Variants in SCAF11 observed in about 807,000 individuals in gnomAD.
SCAF11 encodes the protein SR-related CTD associated factor 11.
SCAF11 carries 47 observed loss-of-function variants against 140.5 expected under a neutral mutation model. That is an observed-to-expected ratio of 0.33 (90% CI 0.26 to 0.43). SCAF11 has a LOEUF of 0.43. Among genes scored for constraint, SCAF11 ranks in the 20% least tolerant of loss-of-function variants. SCAF11 has a pLI of 1.00. For synonymous variants in SCAF11, 557 were observed against 579.4 expected (o/e 0.96, Z 0.55); for missense variants, 1,645 against 1,705.1 (o/e 0.96, Z 0.62).
upstream of SCAF11, chr12:45,991,797 C>T (rs1565701101): frequency 2.0e-6 from 2 of 1,020,852 alleles, no homozygotes; most frequent in Non-Finnish European, 2.5e-6. Context: ...CCCCCATCTA[C>T]CAGCTGACCT....
At chr12:45,938,148 CCT>C (rs1295396567) in intron 6 of SCAF11, among the ~76,000 whole-genome samples, 1 of 152,112 alleles carries the variant, frequency 6.6e-6, no homozygotes, top group Admixed American at 6.5e-5. Flanking sequence ...GTGCTGTCCC[CCT>C]CTCTCCAGCT....
chr12:45,951,550 T>A (rs1945549511), intron 4 of SCAF11, 100 bp downstream of exon 4: 1 of 734,792 alleles, frequency 1.4e-6, no homozygotes, highest in Non-Finnish European at 2.3e-6. Context: ...ATATTAAACC[T>A]TAAGTTGAAC....
At chr12:45,957,379 A>AT (rs911076632) in intron 3 of SCAF11, among the ~76,000 whole-genome samples, 1 of 152,224 alleles carries the variant, frequency 6.6e-6, no homozygotes, top group Non-Finnish European at 1.5e-5. Flanking sequence ...CAGTCCAGAT[A>AT]TAAGTCAAGA....
At chr12:45,972,931 T>TATATAGATATAG (rs1565689031) in intron 1 of SCAF11, among the ~76,000 whole-genome samples, 8 of 76,184 alleles carry the variant, frequency 1.1e-4, no homozygotes, top group Non-Finnish European at 1.5e-4. Flanking sequence ...GATATATAGA[T>TATATAGATATAG]ATATATAGAT....
At chr12:45,957,233 A>C (rs1291745532) in intron 3 of SCAF11, among the ~76,000 whole-genome samples, 1 of 152,198 alleles carries the variant, frequency 6.6e-6, no homozygotes, top group African/African-American at 2.4e-5. Flanking sequence ...TAAAATTAGA[A>C]TTTGAGGAAA....
rs546536829 is a variant in SCAF11, at chr12:45,923,277, C to T, written c.3907-123G>A. 175 of 730,572 alleles carry T rather than the reference C, an allele frequency of 2.4e-4. 1 individual carries two copies. The South Asian group carries it at 3.2e-3, about 13-fold the overall frequency. 45.3% of individuals were successfully genotyped at this position (730,572 alleles called of 1,614,324 possible). A position where few individuals can be genotyped will look rare whatever the true frequency, so the allele number is the denominator to read the frequency against. Reference sequence around the variant, plus strand: ...CCAACCTTAGTACTAAAGAAAAATGCATATTTCAGGTAATTATATCTAAAG... The same window carrying T: ...CCAACCTTAGTACTAAAGAAAAATGTATATTTCAGGTAATTATATCTAAAG... On this transcript the variant is annotated intron_variant, in intron 12 of 14. Coordinates refer to ENST00000369367, the MANE Select transcript of SCAF11 (RefSeq NM_004719.3).
intron 1 of SCAF11, among the ~76,000 whole-genome samples, chr12:45,967,679 C>T (rs1328117788): frequency 1.3e-5 from 2 of 152,174 alleles, no homozygotes; most frequent in Non-Finnish European, 2.9e-5. Flanking sequence ...ACTGTTTAAG[C>T]ATTCCAAAGT....
intron 1 of SCAF11, among the ~76,000 whole-genome samples, chr12:45,964,442 C>T (rs370791718): frequency 6.0e-4 from 92 of 152,132 alleles, no homozygotes; most frequent in African/African-American, 1.9e-3. Context: ...CCGAGGCGGG[C>T]GGATCACAAG....
chr12:45,947,342 C>T (rs1039327467), intron 5 of SCAF11, among the ~76,000 whole-genome samples: 5 of 151,944 alleles, frequency 3.3e-5, no homozygotes, highest in Admixed American at 6.6e-5. Flanking sequence ...TATTAAACAC[C>T]GCATTTCTAG....
chr12:45,943,369 T>A (rs1227640197), intron 6 of SCAF11, among the ~76,000 whole-genome samples: 3 of 152,192 alleles, frequency 2.0e-5, no homozygotes, highest in Non-Finnish European at 4.4e-5. Flanking sequence ...TGAAATCTTG[T>A]GTCACTCTAC....
intron 6 of SCAF11, among the ~76,000 whole-genome samples, chr12:45,940,003 C>T (rs1259353112): frequency 6.6e-6 from 1 of 152,210 alleles, no homozygotes; most frequent in African/African-American, 2.4e-5. Flanking sequence ...TACAAGCTGT[C>T]TTTTCTGTTG....
At chr12:45,952,373 A>AT (rs1945571477) in intron 3 of SCAF11, among the ~76,000 whole-genome samples, 1 of 152,188 alleles carries the variant, frequency 6.6e-6, no homozygotes, top group Non-Finnish European at 1.5e-5. Context: ...AATAATATGA[A>AT]TAAGAGTTTT....
chr12:45,927,950 ATTT>A lies in SCAF11; in HGVS notation c.1748_1750del (p.Lys583del). ...AATTTCTACTAGGGAACTCTCTGTT[ATTT>A]TTTCTTCATTAACCACTGACTCTAC... On this transcript the variant is annotated inframe_deletion, in exon 11 of 15. Transcript: ENST00000369367. The A allele has an allele frequency of 6.2e-7, 1 of 1,613,310 alleles. No individual in the cohort carries two copies. The highest frequency in any genetic ancestry group is 8.5e-7 in the Non-Finnish European group (1 of 1,179,924).
At chr12:45,943,300 A>G (rs761463463) in intron 6 of SCAF11, among the ~76,000 whole-genome samples, 35 of 152,266 alleles carry the variant, frequency 2.3e-4, no homozygotes, top group Non-Finnish European at 1.0e-4. Context: ...ATTAAGTGGA[A>G]AATTCCAGAT....
intron 3 of SCAF11, chr12:45,955,165 A>G (rs1295503333): frequency 1.3e-5 from 2 of 152,150 alleles, no homozygotes; most frequent in African/African-American, 4.8e-5. Context: ...CTCAGCCATC[A>G]TAATTTTTTT....
chr12:45,945,433 T>C (rs1418939309), intron 5 of SCAF11, 120 bp from the exon 6 acceptor site: 7 of 622,858 alleles, frequency 1.1e-5, no homozygotes, highest in East Asian at 8.2e-5. Flanking sequence ...TTGGTAACTA[T>C]GCTGAAATCT....
rs147830812 is a variant in SCAF11 at position 45,950,247 on chromosome 12, G to C, written c.297+1403C>G. On this transcript the variant is annotated intron_variant, in intron 4 of 14. Transcript: ENST00000369367. ...CTGAAAAGTGAGTAAGAATTGAGAA[G>C]AGGTAGTTGTAGAATTCAAGAAGTT... is the stretch of plus-strand genomic sequence containing the variant. Among the ~76,000 whole-genome samples the C allele has an allele frequency of 1.7e-3, 252 of 152,214 alleles. 1 individual carries two copies. Among genetic ancestry groups the C allele is most frequent in the African/African-American group, 5.8e-3 (242 of 41,548 alleles).
intron 4 of SCAF11, among the ~76,000 whole-genome samples, chr12:45,951,220 G>A (rs1272960910): frequency 2.0e-5 from 3 of 152,092 alleles, no homozygotes; most frequent in Non-Finnish European, 2.9e-5. Flanking sequence ...TTTTGTGGGA[G>A]TTGGTCTTTG....
At position 45,934,498 on chromosome 12, in the gene SCAF11, A is replaced by C. The variant is rs1945126156; in HGVS notation, c.471T>G (p.Ser157=). The C allele has an allele frequency of 1.3e-6, 2 of 1,586,274 alleles. No homozygotes were observed. Among genetic ancestry groups the C allele is most frequent in the South Asian group, 2.4e-5 (2 of 83,874 alleles). The part of the protein sequence containing the change: ...VCDLKWIHRN[S]LYSETGGKKN... ...TCTTTCCTCCTGTTTCACTGTATAA[A>C]GAGTTTCCTGTACAAAGACATAAAA... Residue 157 remains serine (S), a synonymous_variant, in exon 7 of 15, where the codon TCT becomes TCG. Coordinates refer to ENST00000369367, the MANE Select transcript of SCAF11 (RefSeq NM_004719.3).
Sources: gnomAD v4.1 joint callset for allele counts (sites outside exome capture counted in the v4.1 genomes callset) on GRCh38, gnomAD v4.1.1 for gene constraint, MANE v1.5 for transcripts, NCBI Gene and HGNC (gene_info 2026-07-23, HGNC 2026-07-21) for gene names.